The following RAPGEF6 variants were observed in gnomAD, a reference collection of about 807,000 sequenced individuals.
RAPGEF6 encodes the protein Rap guanine nucleotide exchange factor 6, also known as PDZ domain containing guanine nucleotide exchange factor (GEF) 2.
RAPGEF6 carries 56 observed loss-of-function variants against 171.4 expected under a neutral mutation model. The observed-to-expected ratio is 0.33, with a 90% confidence interval of 0.26 to 0.41. The LOEUF (loss-of-function observed/expected upper bound fraction) is 0.41, where lower values mean the gene tolerates loss of function less well. RAPGEF6 is among the 10% of genes least tolerant of loss of function. RAPGEF6 has a pLI of 1.00. For missense variants in RAPGEF6, 1,674 were observed against 1,921.4 expected (o/e 0.87, Z 2.41); for synonymous variants, 692 against 650.1 (o/e 1.06, Z -0.98).
At position 131,479,551 on chromosome 5, in the gene RAPGEF6, A is replaced by T; in HGVS notation, c.2043T>A (p.Asp681Glu). The T allele has an allele frequency of 1.2e-6, 2 of 1,614,034 alleles. No individual in the cohort carries two copies. The highest frequency in any genetic ancestry group is 1.7e-6 in the Non-Finnish European group (2 of 1,179,966). The change falls in exon 16 of 28, where the codon GAT becomes GAA. Residue 681 changes from aspartate to glutamate, a missense_variant. Asp to Glu is a conservative substitution (Grantham distance 45). Coordinates refer to ENST00000509018, the MANE Select transcript of RAPGEF6 (RefSeq NM_016340.6). ...GAGGCAAGATACTAAATCGTGTTTTATCCAAAATCTTCCTGATTTTGTTTC... is the reference window on the plus strand; with the variant it reads ...GAGGCAAGATACTAAATCGTGTTTTTTCCAAAATCTTCCTGATTTTGTTTC... The part of the protein sequence containing the change: ...GGRNKIRKIL[D>E]KTRFSILPPK...
intron 4 of RAPGEF6, 117 bp from the exon 5 acceptor site, chr5:131,562,164 A>G: frequency 1.6e-6 from 1 of 643,864 alleles, no homozygotes; most frequent in Non-Finnish European, 2.6e-6. Flanking sequence ...AGAAATTCTG[A>G]TCCTGTCACA....
intron 1 of RAPGEF6, among the ~76,000 whole-genome samples, chr5:131,629,506 C>A (rs1446628505): frequency 1.3e-5 from 2 of 151,012 alleles, no homozygotes. Flanking sequence ...TGGCTCCCAG[C>A]ACTTTGGGAG....
At position 131,428,163 on chromosome 5, in the gene RAPGEF6, C is replaced by A. The variant is rs571777328; in HGVS notation, c.4780+739G>T. On this transcript the variant is annotated intron_variant, in intron 27 of 27. Coordinates refer to ENST00000509018, the MANE Select transcript of RAPGEF6 (RefSeq NM_016340.6). ...GTGGCTCACACCTATAATCCCAACACTTTCGGAGGCTGGGGTGGGAGGACT... is the reference window on the plus strand; with the variant it reads ...GTGGCTCACACCTATAATCCCAACAATTTCGGAGGCTGGGGTGGGAGGACT... Among the ~76,000 whole-genome samples the A allele has an allele frequency of 6.5e-4, 99 of 152,216 alleles. 1 individual carries two copies. Among genetic ancestry groups the A allele is most frequent in the African/African-American group, 2.3e-3 (94 of 41,530 alleles).
In RAPGEF6 at chr5:131,479,644, T is replaced by A. The variant is rs1420836154; in HGVS notation, c.1950A>T (p.Gly650=). 1 of 1,613,978 alleles carries A rather than the reference T, an allele frequency of 6.2e-7. No homozygotes were observed. Among genetic ancestry groups the A allele is most frequent in the Non-Finnish European group, 8.5e-7 (1 of 1,180,014 alleles). ...SNRHSIQHVP[G]DIEQTSQEKG... is the part of the protein sequence containing the mutation. ...TCTCCTGTGATGTCTGTTCAATATC[T>A]CCTGGCACATGCTGGATAGAATGGC... The change falls in exon 16 of 28, where the codon GGA becomes GGT. Residue 650 remains glycine, a synonymous_variant. Transcript: ENST00000509018.
chr5:131,443,980 C>T (rs1486183517), intron 22 of RAPGEF6, among the ~76,000 whole-genome samples: 1 of 152,152 alleles, frequency 6.6e-6, no homozygotes, highest in Non-Finnish European at 1.5e-5. Context: ...ATAAAAGCTG[C>T]CTCCTTCATA....
At chr5:131,514,652 T>C (rs529419912) in intron 7 of RAPGEF6, among the ~76,000 whole-genome samples, 1 of 151,976 alleles carries the variant, frequency 6.6e-6, no homozygotes, top group Non-Finnish European at 1.5e-5. Flanking sequence ...TAAGGAGATA[T>C]AAACTGTAAG....
intron 26 of RAPGEF6, among the ~76,000 whole-genome samples, 171 bp from the exon 27 acceptor site, chr5:131,429,387 T>C (rs969041022): frequency 1.3e-5 from 2 of 152,148 alleles, no homozygotes; most frequent in African/African-American, 4.8e-5. Flanking sequence ...TAAACAAACC[T>C]CTTTTTAAAA....
At chr5:131,514,635 A>C (rs1390231982) in intron 7 of RAPGEF6, among the ~76,000 whole-genome samples, 1 of 152,180 alleles carries the variant, frequency 6.6e-6, no homozygotes, top group African/African-American at 2.4e-5. Context: ...AAAATGGATA[A>C]TCTCAGTAAG....
intron 15 of RAPGEF6, 148 bp from the exon 16 acceptor site, chr5:131,479,901 G>C (rs536229911): frequency 1.4e-6 from 1 of 733,048 alleles, no homozygotes; most frequent in African/African-American, 1.8e-5. Flanking sequence ...GTATTTACCC[G>C]TCCTTTAGCA....
At chr5:131,486,937 C>T (rs1755934200) in intron 15 of RAPGEF6, among the ~76,000 whole-genome samples, 1 of 152,134 alleles carries the variant, frequency 6.6e-6, no homozygotes, top group Non-Finnish European at 1.5e-5. Context: ...ACCACACCCT[C>T]TCAATGATCC....
intron 5 of RAPGEF6, among the ~76,000 whole-genome samples, chr5:131,555,551 ATTAG>A (rs1184248887): frequency 6.6e-6 from 1 of 152,002 alleles, no homozygotes; most frequent in African/African-American, 2.4e-5. Context: ...TTATGCATCT[ATTAG>A]TTATATTAAC....
At chr5:131,540,889 C>T (rs796744298) in intron 6 of RAPGEF6, among the ~76,000 whole-genome samples, 72 of 152,210 alleles carry the variant, frequency 4.7e-4, no homozygotes, top group African/African-American at 1.6e-3. Flanking sequence ...ACAGGCTGGG[C>T]GTGGTGGCTT....
At chr5:131,528,894 G>A (rs186138838) in intron 6 of RAPGEF6, among the ~76,000 whole-genome samples, 1 of 152,214 alleles carries the variant, frequency 6.6e-6, no homozygotes, top group Admixed American at 6.5e-5. Context: ...GCTGCAGATA[G>A]GTACAGTAAG....
chr5:131,603,258 TG>T lies in RAPGEF6; in HGVS notation c.197+12del. On this transcript the variant is annotated intron_variant, in intron 3 of 27. Transcript: ENST00000509018. ...AAAAGTCATTAGTTTATGTGAATTA[TG>T]GAAATACTTACCAAAAGAGAACCTG... The T allele has an allele frequency of 6.4e-7, 1 of 1,567,958 alleles. No individual in the cohort carries two copies. The highest frequency in any genetic ancestry group is 8.7e-7 in the Non-Finnish European group (1 of 1,149,452).
chr5:131,563,943 C>T (rs1008645554), intron 4 of RAPGEF6, among the ~76,000 whole-genome samples: 1 of 152,108 alleles, frequency 6.6e-6, no homozygotes, highest in African/African-American at 2.4e-5. Flanking sequence ...GGTTTACTCT[C>T]CCACCTGAGG....
intron 26 of RAPGEF6, among the ~76,000 whole-genome samples, chr5:131,429,781 C>T (rs940093194): frequency 1.3e-5 from 2 of 151,984 alleles, no homozygotes; most frequent in African/African-American, 4.8e-5. Flanking sequence ...TGGCCAGGTG[C>T]GGTGGTTCAC....
At chr5:131,500,719 C>T (rs564759972) in intron 11 of RAPGEF6, among the ~76,000 whole-genome samples, 1 of 152,168 alleles carries the variant, frequency 6.6e-6, no homozygotes, top group Admixed American at 6.5e-5. Flanking sequence ...TTTTATGTCT[C>T]TCTTGCTCTT....
chr5:131,472,898 A>G lies in RAPGEF6; in HGVS notation c.2082-154T>C, dbSNP rs572930385. ...CAGCAATTTTTAAAAGACAATTGTA[A>G]TGATGAAAATGGCACTAAAATTTTT... On this transcript the variant is annotated intron_variant, in intron 16 of 27. Transcript: ENST00000509018. The G allele has an allele frequency of 9.5e-5, 60 of 628,630 alleles. No homozygotes were observed. The African/African-American group carries it at 1.0e-3, about 11-fold the overall frequency. 38.9% of individuals were successfully genotyped at this position (628,630 alleles called of 1,614,324 possible). A position where few individuals can be genotyped will look rare whatever the true frequency, so the allele number is the denominator to read the frequency against.
intron 5 of RAPGEF6, among the ~76,000 whole-genome samples, chr5:131,557,439 T>A (rs1761307918): frequency 6.6e-6 from 1 of 152,204 alleles, no homozygotes; most frequent in African/African-American, 2.4e-5. Flanking sequence ...AACGACCTTG[T>A]TGAAATGACA....
Sources: allele counts gnomAD v4.1 joint callset (sites outside exome capture counted in the v4.1 genomes callset), GRCh38; gene constraint gnomAD v4.1.1; transcripts MANE v1.5; gene names NCBI Gene and HGNC (gene_info 2026-07-23, HGNC 2026-07-21).